The following TUSC3 variants were observed in gnomAD, a reference collection of about 807,000 sequenced individuals.
TUSC3 encodes tumor suppressor candidate 3.
TUSC3 carries 45 observed loss-of-function variants against 44.8 expected under a neutral mutation model. The ratio of observed to expected loss-of-function variants is 1.00; its 90% CI spans 0.79 to 1.29. The LOEUF (loss-of-function observed/expected upper bound fraction) is 1.29, where lower values mean the gene tolerates loss of function less well. TUSC3 is among the 50% of genes most tolerant of loss of function. The pLI is 0.00. For missense variants in TUSC3, 519 were observed against 437.9 expected (o/e 1.19, Z -1.65); for synonymous variants, 212 against 152.9 (o/e 1.39, Z -2.85).
At chr8:15,748,931 AATC>A in intron 9 of TUSC3, 1 of 362,602 alleles carries the variant, frequency 2.8e-6, no homozygotes, top group East Asian at 7.3e-5. Context: ...GGTCATTATA[AATC>A]ATCATAACGA....
At chr8:15,645,661 T>G (rs1806593376) in intron 2 of TUSC3, among the ~76,000 whole-genome samples, 1 of 152,144 alleles carries the variant, frequency 6.6e-6, no homozygotes, top group South Asian at 2.1e-4. Flanking sequence ...ATGATTAAGA[T>G]CTGGATTCAA....
Position 15,746,267 on chromosome 8 carries a change from G to A in TUSC3, c.938-2108G>A, listed in dbSNP as rs540820526. Among the ~76,000 whole-genome samples, 20 of 152,034 alleles carry A rather than the reference G, an allele frequency of 1.3e-4. No homozygotes were observed. In the South Asian group the frequency reaches 3.9e-3, roughly 30 times the overall value. On this transcript the variant is annotated intron_variant, in intron 8 of 10. Coordinates refer to ENST00000503731, the MANE Select transcript of TUSC3 (RefSeq NM_006765.4). The stretch of plus-strand genomic sequence containing the variant: ...AATCACCGTTTTCAACTCCTCTCTT[G>A]GTAGATGTTTGTTTCTCTAACTCCA...
At chr8:15,641,264 G>A (rs564275818) in intron 2 of TUSC3, among the ~76,000 whole-genome samples, 1 of 152,030 alleles carries the variant, frequency 6.6e-6, no homozygotes, top group South Asian at 2.1e-4. Context: ...GGGAGGCTGA[G>A]GCAGGAGAAT....
intron 2 of TUSC3, among the ~76,000 whole-genome samples, chr8:15,515,737 G>A (rs903004803): frequency 3.3e-5 from 5 of 151,958 alleles, no homozygotes; most frequent in South Asian, 4.2e-4. Context: ...ATGCAATCTC[G>A]GCCCACTGCA....
intron 1 of TUSC3, among the ~76,000 whole-genome samples, chr8:15,462,708 G>C (rs931224002): frequency 1.3e-5 from 2 of 152,094 alleles, no homozygotes; most frequent in African/African-American, 4.8e-5. Context: ...CTCCTATGTG[G>C]TGGTACTGAT....
chr8:15,677,716 T>A (rs1170851610), intron 6 of TUSC3, among the ~76,000 whole-genome samples: 3 of 152,120 alleles, frequency 2.0e-5, no homozygotes, highest in Non-Finnish European at 1.5e-5. Context: ...CAGAGCCAGG[T>A]TCTATGACAC....
the TUSC3 span, among the ~76,000 whole-genome samples, chr8:15,802,571 G>A: frequency 0.041 from 6,197 of 152,040 alleles, 398 homozygotes; most frequent in African/African-American, 0.14. Flanking sequence ...ACAGGTGCAC[G>A]CCACCGTGCC....
chr8:15,775,748 C>CTATATATA, the TUSC3 span, among the ~76,000 whole-genome samples: 277 of 138,866 alleles, frequency 2.0e-3, no homozygotes, highest in African/African-American at 6.8e-3. Context: ...ATATATTACA[C>CTATATATA]TATATATATA....
the TUSC3 span, among the ~76,000 whole-genome samples, chr8:15,834,933 A>G: frequency 6.6e-6 from 1 of 152,176 alleles, no homozygotes; most frequent in Non-Finnish European, 1.5e-5. Flanking sequence ...GTTCCCCAGG[A>G]CTGGTTGTGG....
At chr8:15,594,711 CTG>C (rs1350739898) in intron 1 of TUSC3, among the ~76,000 whole-genome samples, 1 of 152,144 alleles carries the variant, frequency 6.6e-6, no homozygotes, top group Non-Finnish European at 1.5e-5. Context: ...TACTGGTCCT[CTG>C]TGAGTGCTGG....
intron 8 of TUSC3, among the ~76,000 whole-genome samples, chr8:15,747,759 A>G (rs1811484199): frequency 2.6e-5 from 4 of 152,052 alleles, no homozygotes. Flanking sequence ...TCTTTGTAAG[A>G]CAAACAGTAA....
At chr8:15,496,806 C>G (rs920534971) in intron 2 of TUSC3, among the ~76,000 whole-genome samples, 2 of 152,194 alleles carry the variant, frequency 1.3e-5, no homozygotes, top group Admixed American at 1.3e-4. Context: ...TTCTCACACT[C>G]ACGATACATC....
rs974330262 is a variant in TUSC3, at chr8:15,674,705, C to G, written c.798+869C>G. ...ATTTTCAGATTTCTGTAGTGGAAGA[C>G]AAGGATATGGAGTTAAAGCTAGCCT... On this transcript the variant is annotated intron_variant, in intron 6 of 10. Transcript: ENST00000503731. 2.6e-5 allele frequency among the ~76,000 whole-genome samples: 4 copies of G among 151,876 alleles called. No individual in the cohort carries two copies. The South Asian group carries it at 6.2e-4, about 24-fold the overall frequency.
rs140365799 is a variant in TUSC3, at chr8:15,658,280, A to G, written c.427-1227A>G. Reference sequence around the variant, plus strand: ...TGATATAGAGCCATTTCTTTTGGGTATTCAGCTTGTTTGTGCTAAGTTGTG... The same window carrying G: ...TGATATAGAGCCATTTCTTTTGGGTGTTCAGCTTGTTTGTGCTAAGTTGTG... On this transcript the variant is annotated intron_variant, in intron 3 of 10. Coordinates refer to ENST00000503731, the MANE Select transcript of TUSC3 (RefSeq NM_006765.4). Among the ~76,000 whole-genome samples, 1,365 of 152,248 alleles carry G rather than the reference A, an allele frequency of 9.0e-3. 21 individuals carry two copies. The highest frequency in any genetic ancestry group is 0.031 in the African/African-American group (1,282 of 41,544).
At chr8:15,704,255 GTTTTTTT>G (rs373598712) in intron 6 of TUSC3, among the ~76,000 whole-genome samples, 2 of 137,080 alleles carry the variant, frequency 1.5e-5, no homozygotes, top group Middle Eastern at 3.5e-3. Flanking sequence ...ATTCTTAATG[GTTTTTTT>G]TTTTTTTTTT....
intron 1 of TUSC3, among the ~76,000 whole-genome samples, chr8:15,482,363 A>G (rs935335229): frequency 1.3e-5 from 2 of 152,220 alleles, no homozygotes; most frequent in Non-Finnish European, 2.9e-5. Flanking sequence ...TTCTCGTGGC[A>G]GAGAATGGTG....
intron 1 of TUSC3, among the ~76,000 whole-genome samples, chr8:15,582,753 G>T (rs2129147337): frequency 6.6e-6 from 1 of 152,276 alleles, no homozygotes; most frequent in East Asian, 1.9e-4. Flanking sequence ...AATAGCTGCT[G>T]GAACAACCTG....
At chr8:15,585,287 A>T (rs1349547128) in intron 1 of TUSC3, among the ~76,000 whole-genome samples, 1 of 152,172 alleles carries the variant, frequency 6.6e-6, no homozygotes, top group African/African-American at 2.4e-5. Context: ...AAGGTTCAAG[A>T]GAGAGGTACA....
At chr8:15,523,428 C>A (rs956431513) in intron 2 of TUSC3, among the ~76,000 whole-genome samples, 3 of 151,946 alleles carry the variant, frequency 2.0e-5, no homozygotes, top group African/African-American at 4.8e-5. Context: ...ACATGGTTTT[C>A]ATAGGAGTTT....
Sources: allele counts gnomAD v4.1 joint callset (sites outside exome capture counted in the v4.1 genomes callset), GRCh38; gene constraint gnomAD v4.1.1; transcripts MANE v1.5; gene names NCBI Gene and HGNC (gene_info 2026-07-23, HGNC 2026-07-21).